GLRA2: variants seen among roughly 807,000 people sequenced by gnomAD.
The protein encoded by GLRA2 is glycine receptor subunit alpha-2.
A neutral mutation model predicts 31.6 loss-of-function variants in GLRA2; 11 were observed. The ratio of observed to expected loss-of-function variants is 0.35; its 90% CI spans 0.22 to 0.58. GLRA2 has a LOEUF of 0.58. Ranked by LOEUF, GLRA2 falls within the 20% of genes least tolerant of loss-of-function variation. The pLI is 0.84. For missense variants in GLRA2, 212 were observed against 351.8 expected (o/e 0.60, Z 3.18); for synonymous variants, 132 against 134.0 (o/e 0.99, Z 0.10).
the GLRA2 span, among the ~76,000 whole-genome samples, chrX:14,483,651 T>A: frequency 8.9e-6 from 1 of 112,037 alleles, no homozygotes; most frequent in African/African-American, 3.2e-5. Flanking sequence ...CATAACTACC[T>A]TTTTATTTGT....
intron 2 of GLRA2, among the ~76,000 whole-genome samples, chrX:14,563,497 T>C (rs749717091): frequency 8.9e-6 from 1 of 112,245 alleles, no homozygotes; most frequent in East Asian, 2.8e-4. Flanking sequence ...CTAGAGAAGG[T>C]AGATAATTTT....
chrX:14,491,288 T>A, the GLRA2 span, among the ~76,000 whole-genome samples: 1 of 111,727 alleles, frequency 9.0e-6, no homozygotes, highest in Non-Finnish European at 1.9e-5. Flanking sequence ...CTTCATAATA[T>A]TGTTTTGCCA....
At chrX:14,514,356 C>T in the GLRA2 span, among the ~76,000 whole-genome samples, 22 of 108,726 alleles carry the variant, frequency 2.0e-4, no homozygotes, top group South Asian at 4.0e-4. Flanking sequence ...ACTAAAGAAC[C>T]GATGTAACCA....
chrX:14,569,137 C>G (rs2089849865), intron 2 of GLRA2, among the ~76,000 whole-genome samples: 1 of 110,643 alleles, frequency 9.0e-6, no homozygotes, highest in African/African-American at 3.3e-5. Context: ...TGCCTGTAAT[C>G]CCAGCTACTC....
chrX:14,454,226 A>G, the GLRA2 span, among the ~76,000 whole-genome samples: 1 of 107,379 alleles, frequency 9.3e-6, no homozygotes, highest in Non-Finnish European at 1.9e-5. Context: ...ACACACGCAC[A>G]CATACATGAG....
intron 8 of GLRA2, among the ~76,000 whole-genome samples, chrX:14,728,794 T>C (rs2091957405): frequency 8.9e-6 from 1 of 112,550 alleles, no homozygotes; most frequent in Non-Finnish European, 1.9e-5. Flanking sequence ...ATGAGCCACA[T>C]AGAAGCAAAT....
chrX:14,555,966 A>G (rs1016450325), intron 2 of GLRA2, among the ~76,000 whole-genome samples: 1 of 111,965 alleles, frequency 8.9e-6, no homozygotes, highest in African/African-American at 3.2e-5. Flanking sequence ...AGAGCAAACT[A>G]GAAAAGATTA....
In GLRA2 at chrX:14,690,745, G is replaced by T. The variant is rs370269883; in HGVS notation, c.966G>T (p.Ala322=). The T allele has an allele frequency of 8.3e-7, 1 of 1,204,990 alleles. No homozygotes were observed. Among genetic ancestry groups the T allele is most frequent in the East Asian group, 3.0e-5 (1 of 33,779 alleles). The change falls in exon 8 of 9, where the codon GCG becomes GCT. Residue 322 remains alanine (A), a synonymous_variant. Coordinates refer to ENST00000218075, the MANE Select transcript of GLRA2 (RefSeq NM_002063.4). ...TAAAAGCGATTGACATCTGGATGGC[G>T]GTGTGCCTTCTGTTTGTGTTTGCTG... ...SYVKAIDIWM[A]VCLLFVFAAL...
At chrX:14,686,833 C>T (rs4357458) in intron 7 of GLRA2, among the ~76,000 whole-genome samples, 31,043 of 110,340 alleles carry the variant, frequency 0.28, 3,287 homozygotes, top group Non-Finnish European at 0.3. Flanking sequence ...TTAATATTGT[C>T]ATGTGTGAAT....
At chrX:14,604,470 A>G in intron 5 of GLRA2, 73 bp downstream of exon 5, 2 of 645,690 alleles carry the variant, frequency 3.1e-6, no homozygotes, top group South Asian at 2.2e-5. Flanking sequence ...ATGTCATTAA[A>G]GAGAAAGGAC....
At chrX:14,516,714 G>T in the GLRA2 span, among the ~76,000 whole-genome samples, 1 of 111,075 alleles carries the variant, frequency 9.0e-6, no homozygotes, top group Non-Finnish European at 1.9e-5. Context: ...TTGTTTTTTT[G>T]GAATGCTCAC....
At chrX:14,698,681 CAAAAAAA>C (rs749925474) in intron 8 of GLRA2, among the ~76,000 whole-genome samples, 83 of 21,143 alleles carry the variant, frequency 3.9e-3, no homozygotes, top group South Asian at 6.0e-3. Flanking sequence ...CTATCTATCT[CAAAAAAA>C]AAAAAAAAAA....
intron 2 of GLRA2, among the ~76,000 whole-genome samples, chrX:14,570,215 T>C (rs1424635979): frequency 8.9e-6 from 1 of 112,109 alleles, no homozygotes; most frequent in Non-Finnish European, 1.9e-5. Flanking sequence ...TGCCACTGAA[T>C]ATAGTTTAAA....
the GLRA2 span, among the ~76,000 whole-genome samples, chrX:14,485,076 G>A: frequency 8.9e-6 from 1 of 112,134 alleles, no homozygotes; most frequent in African/African-American, 3.2e-5. Context: ...TATTTCCCAA[G>A]ATGGGCATCC....
At chrX:14,503,789 T>A in the GLRA2 span, among the ~76,000 whole-genome samples, 1 of 111,605 alleles carries the variant, frequency 9.0e-6, no homozygotes, top group Non-Finnish European at 1.9e-5. Flanking sequence ...CAAAAACCAA[T>A]AATGCCAAGC....
At chrX:14,662,309 C>G (rs1460323657) in intron 7 of GLRA2, among the ~76,000 whole-genome samples, 2 of 111,689 alleles carry the variant, frequency 1.8e-5, no homozygotes, top group Non-Finnish European at 3.8e-5. Context: ...AATTCATGAT[C>G]AACAAGGCAG....
At chrX:14,710,484 A>C (rs1441668869) in intron 8 of GLRA2, among the ~76,000 whole-genome samples, 1 of 112,107 alleles carries the variant, frequency 8.9e-6, no homozygotes, top group Non-Finnish European at 1.9e-5. Context: ...CTATATCAGG[A>C]GTTTTCTTAT....
At chrX:14,685,559 C>T (rs1381615281) in intron 7 of GLRA2, among the ~76,000 whole-genome samples, 1 of 111,532 alleles carries the variant, frequency 9.0e-6, no homozygotes, top group Admixed American at 9.5e-5. Context: ...GTGTATGTGT[C>T]CAGGAATTTA....
At chrX:14,524,742 TTGTGTGTGTGTG>T (rs113079569), upstream of GLRA2, among the ~76,000 whole-genome samples, 4 of 105,238 alleles carry the variant, frequency 3.8e-5, no homozygotes, top group East Asian at 3.0e-4. Flanking sequence ...TTCAACATAT[TTGTGTGTGTGTG>T]TGTGTGTGTG....
Sources: gnomAD v4.1 joint callset for allele counts (sites outside exome capture counted in the v4.1 genomes callset) on GRCh38, gnomAD v4.1.1 for gene constraint, MANE v1.5 for transcripts, NCBI Gene and HGNC (gene_info 2026-07-23, HGNC 2026-07-21) for gene names.